GATB: variants seen among roughly 807,000 people sequenced by gnomAD.
The protein encoded by GATB is glutamyl-tRNA amidotransferase subunit B.
Under a neutral mutation model 62.3 loss-of-function variants are expected in GATB, and 39 were observed. The ratio of observed to expected loss-of-function variants is 0.63; its 90% CI spans 0.48 to 0.82. The LOEUF (loss-of-function observed/expected upper bound fraction) is 0.82, where lower values mean the gene tolerates loss of function less well. GATB is among the 40% of genes least tolerant of loss of function. The pLI is 0.00. For synonymous variants in GATB, 276 were observed against 258.9 expected (o/e 1.07, Z -0.63); for missense variants, 670 against 684.0 (o/e 0.98, Z 0.23).
At chr4:151,698,366 G>A (rs528312000) in intron 9 of GATB, among the ~76,000 whole-genome samples, 35 of 152,098 alleles carry the variant, frequency 2.3e-4, no homozygotes, top group African/African-American at 2.7e-4. Context: ...GAAGTTTTTC[G>A]TCATTTGTGG....
intron 5 of GATB, among the ~76,000 whole-genome samples, chr4:151,712,128 T>A (rs570382971): frequency 6.6e-6 from 1 of 152,228 alleles, no homozygotes; most frequent in African/African-American, 2.4e-5. Context: ...AATAAAAGCA[T>A]GAGTTTCGGT....
At position 151,705,176 on chromosome 4, in the gene GATB, C is replaced by T. The variant is rs186432561; in HGVS notation, c.962+9G>A. The T allele has an allele frequency of 1.8e-4, 285 of 1,605,540 alleles. 6 individuals carry two copies. The East Asian group carries it at 2.1e-3, about 12-fold the overall frequency. On this transcript the variant is annotated intron_variant, in intron 7 of 12. Coordinates refer to ENST00000263985, the MANE Select transcript of GATB (RefSeq NM_004564.3). ...GCTGTGGTCAGGACGCTCAGCAATG[C>T]GAACTCACCCCAGCTTGTGATGAAA...
At chr4:151,702,175 C>T (rs1293299701) in intron 8 of GATB, among the ~76,000 whole-genome samples, 2 of 152,194 alleles carry the variant, frequency 1.3e-5, no homozygotes, top group African/African-American at 2.4e-5. Flanking sequence ...CTGGAAAAAA[C>T]AGGACCAAAT....
chr4:151,681,409 C>A (rs1289451439), intron 10 of GATB, among the ~76,000 whole-genome samples: 1 of 151,564 alleles, frequency 6.6e-6, no homozygotes, highest in East Asian at 1.9e-4. Context: ...CCTGATTAAA[C>A]CTCAAAAGGA....
intron 2 of GATB, among the ~76,000 whole-genome samples, chr4:151,732,701 C>A (rs556793094): frequency 6.4e-5 from 9 of 139,754 alleles, no homozygotes; most frequent in African/African-American, 8.1e-5. Flanking sequence ...GAGAAACACC[C>A]AAGAATGATC....
At chr4:151,691,157 T>C (rs1738357619) in intron 9 of GATB, among the ~76,000 whole-genome samples, 1 of 152,174 alleles carries the variant, frequency 6.6e-6, no homozygotes, top group Admixed American at 6.5e-5. Flanking sequence ...ATAAAAATCA[T>C]ATGAAGAGCA....
intron 10 of GATB, among the ~76,000 whole-genome samples, chr4:151,687,655 T>C (rs983163081): frequency 6.6e-6 from 1 of 152,108 alleles, no homozygotes; most frequent in Non-Finnish European, 1.5e-5. Context: ...GGAGGAGTAA[T>C]GAGGTCTAGA....
chr4:151,712,037 T>C (rs1040565048), intron 5 of GATB, among the ~76,000 whole-genome samples: 1 of 152,234 alleles, frequency 6.6e-6, no homozygotes, highest in Admixed American at 6.5e-5. Flanking sequence ...TTTTTTGAAC[T>C]CAGGGAACCA....
intron 10 of GATB, among the ~76,000 whole-genome samples, chr4:151,682,085 C>T (rs750543727): frequency 4.5e-4 from 68 of 152,294 alleles, no homozygotes; most frequent in African/African-American, 9.4e-4. Context: ...AAAATAACGT[C>T]GCCTTTGAGA....
At chr4:151,684,100 T>C (rs903463322) in intron 10 of GATB, among the ~76,000 whole-genome samples, 1 of 152,214 alleles carries the variant, frequency 6.6e-6, no homozygotes, top group Non-Finnish European at 1.5e-5. Context: ...CCTTGGATGC[T>C]ATCCTACATT....
At chr4:151,726,233 A>G (rs1021974226) in intron 2 of GATB, among the ~76,000 whole-genome samples, 1 of 152,182 alleles carries the variant, frequency 6.6e-6, no homozygotes, top group African/African-American at 2.4e-5. Flanking sequence ...TCAAAGCATG[A>G]ACTCCCTCTG....
chr4:151,727,664 AAT>A (rs1182117136), intron 2 of GATB, among the ~76,000 whole-genome samples: 1 of 152,214 alleles, frequency 6.6e-6, no homozygotes, highest in African/African-American at 2.4e-5. Flanking sequence ...ACAGAATCTG[AAT>A]CTTACTCCTC....
chr4:151,732,034 C>T (rs563100574), intron 2 of GATB, among the ~76,000 whole-genome samples: 5 of 125,722 alleles, frequency 4.0e-5, no homozygotes, highest in South Asian at 2.5e-4. Context: ...CCCGGCCAGC[C>T]GCCCCGTCCG....
chr4:151,693,591 G>A lies in GATB; in HGVS notation c.1198-4828C>T, dbSNP rs555714249. On this transcript the variant is annotated intron_variant, in intron 9 of 12. Transcript: ENST00000263985. ...GAATACAGGGATCTGCAGAGGCTCT[G>A]AAATGGACCCACAAACATCACGGGT... Among the ~76,000 whole-genome samples the A allele has an allele frequency of 3.9e-5, 6 of 152,290 alleles. No homozygotes were observed. In the East Asian group the frequency reaches 1.2e-3, roughly 29 times the overall value.
chr4:151,745,561 A>AGGG (rs1178117157), intron 2 of GATB, among the ~76,000 whole-genome samples: 2 of 152,268 alleles, frequency 1.3e-5, no homozygotes, highest in Admixed American at 1.3e-4. Flanking sequence ...CAGGGAGGCA[A>AGGG]GACCCCTTCT....
chr4:151,741,223 T>G (rs1739479230), intron 2 of GATB, among the ~76,000 whole-genome samples: 1 of 152,210 alleles, frequency 6.6e-6, no homozygotes, highest in Admixed American at 6.5e-5. Flanking sequence ...AACAATATAC[T>G]GTAATCAAAG....
At chr4:151,702,798 T>C (rs1738632264) in intron 8 of GATB, among the ~76,000 whole-genome samples, 1 of 152,192 alleles carries the variant, frequency 6.6e-6, no homozygotes, top group Non-Finnish European at 1.5e-5. Flanking sequence ...AAAGGGCTTA[T>C]GTAGAAAAAG....
At chr4:151,685,740 A>C (rs1487832195) in intron 10 of GATB, among the ~76,000 whole-genome samples, 1 of 152,154 alleles carries the variant, frequency 6.6e-6, no homozygotes, top group African/African-American at 2.4e-5. Context: ...GGAGAGGCCA[A>C]ACCCGGGAGG....
chr4:151,707,941 G>C, intron 6 of GATB, 47 bp downstream of exon 6: 1 of 1,277,676 alleles, frequency 7.8e-7, no homozygotes, highest in Non-Finnish European at 1.1e-6. Context: ...CCCAGCAAGA[G>C]AGAAACAATA....
Sources: gnomAD v4.1 joint callset for allele counts (sites outside exome capture counted in the v4.1 genomes callset) on GRCh38, gnomAD v4.1.1 for gene constraint, MANE v1.5 for transcripts, NCBI Gene and HGNC (gene_info 2026-07-23, HGNC 2026-07-21) for gene names.